ASIC2: variants seen among roughly 807,000 people sequenced by gnomAD.
ASIC2 encodes the protein acid-sensing ion channel 2.
ASIC2 carries 25 observed loss-of-function variants against 57.3 expected under a neutral mutation model. That is an observed-to-expected ratio of 0.44 (90% CI 0.32 to 0.61). The LOEUF (loss-of-function observed/expected upper bound fraction) is 0.61, where lower values mean the gene tolerates loss of function less well. Among genes scored for constraint, ASIC2 ranks in the 20% least tolerant of loss-of-function variants. The probability of loss-of-function intolerance (pLI) is 0.06; values close to 1 mark genes in which losing one functional copy is unlikely to be tolerated. For synonymous variants in ASIC2, 319 were observed against 307.5 expected, an observed-to-expected ratio of 1.04 and a Z score of -0.39; for missense variants, 641 against 738.1, an observed-to-expected ratio of 0.87 and a Z score of 1.52.
intron 1 of ASIC2, among the ~76,000 whole-genome samples, chr17:33,784,092 G>T (rs1482226628): frequency 2.6e-5 from 4 of 152,142 alleles, no homozygotes; most frequent in Non-Finnish European, 5.9e-5. Context: ...GTGAGGTTGG[G>T]GGGTCATTGA....
intron 1 of ASIC2, among the ~76,000 whole-genome samples, chr17:33,585,831 C>T (rs150584139): frequency 0.01 from 1,528 of 152,214 alleles, 26 homozygotes; most frequent in African/African-American, 0.035. Context: ...TAATTTATAT[C>T]TTTTACTTTA....
At chr17:33,610,914 C>T (rs1373469561) in intron 1 of ASIC2, among the ~76,000 whole-genome samples, 6 of 151,986 alleles carry the variant, frequency 3.9e-5, no homozygotes, top group Non-Finnish European at 8.8e-5. Context: ...AACAAAGAAA[C>T]AGAACAAAAA....
intron 1 of ASIC2, among the ~76,000 whole-genome samples, chr17:33,436,351 A>T (rs575304627): frequency 6.6e-6 from 1 of 152,370 alleles, no homozygotes; most frequent in Admixed American, 6.5e-5. Context: ...ATGTGGCCAG[A>T]GGTCACAAGA....
intron 1 of ASIC2, among the ~76,000 whole-genome samples, chr17:33,188,341 C>G (rs754368816): frequency 1.3e-5 from 2 of 151,826 alleles, no homozygotes; most frequent in Non-Finnish European, 2.9e-5. Context: ...TATAAAAAGA[C>G]CTAATAGTCA....
intron 1 of ASIC2, among the ~76,000 whole-genome samples, chr17:34,009,984 A>T (rs1906656437): frequency 6.6e-6 from 1 of 152,228 alleles, no homozygotes; most frequent in South Asian, 2.1e-4. Flanking sequence ...TGACAAAATG[A>T]GACATCCAGG....
chr17:33,249,945 C>A (rs547067220), intron 1 of ASIC2, among the ~76,000 whole-genome samples: 2 of 152,074 alleles, frequency 1.3e-5, no homozygotes, highest in Non-Finnish European at 2.9e-5. Flanking sequence ...GTGAGTGGGG[C>A]CAATCCCAAA....
chr17:33,370,928 T>C (rs1047259804), intron 1 of ASIC2, among the ~76,000 whole-genome samples: 1 of 152,054 alleles, frequency 6.6e-6, no homozygotes, highest in Non-Finnish European at 1.5e-5. Flanking sequence ...GAAAATAAAG[T>C]GGTGAAAGAA....
At chr17:33,997,564 TGA>T (rs1567782388) in intron 1 of ASIC2, among the ~76,000 whole-genome samples, 2 of 152,140 alleles carry the variant, frequency 1.3e-5, no homozygotes, top group Non-Finnish European at 2.9e-5. Flanking sequence ...CCTAATTTGT[TGA>T]GAGTTTTTAT....
chr17:33,307,266 T>C (rs1906217555), intron 1 of ASIC2, among the ~76,000 whole-genome samples: 1 of 133,402 alleles, frequency 7.5e-6, no homozygotes, highest in African/African-American at 2.8e-5. Context: ...CTTCTCTTCC[T>C]CCTCCTCTTC....
intron 1 of ASIC2, among the ~76,000 whole-genome samples, chr17:33,190,398 T>A (rs1356354835): frequency 6.6e-6 from 1 of 152,178 alleles, no homozygotes; most frequent in Non-Finnish European, 1.5e-5. Context: ...AGATCACATA[T>A]GTAAATACAG....
chr17:33,619,958 A>G (rs1165538891), intron 1 of ASIC2, among the ~76,000 whole-genome samples: 4 of 152,208 alleles, frequency 2.6e-5, no homozygotes, highest in African/African-American at 9.6e-5. Context: ...GCATTTGGAA[A>G]AATGGATGTT....
chr17:33,256,065 C>T (rs1400279582), intron 1 of ASIC2, among the ~76,000 whole-genome samples: 5 of 152,064 alleles, frequency 3.3e-5, no homozygotes, highest in African/African-American at 1.2e-4. Flanking sequence ...GACTAATTAC[C>T]ATGGATTTGA....
intron 3 of ASIC2, among the ~76,000 whole-genome samples, chr17:33,038,763 G>T (rs1243668843): frequency 1.3e-5 from 2 of 151,986 alleles, no homozygotes; most frequent in Non-Finnish European, 2.9e-5. Flanking sequence ...GCTGATGTTT[G>T]CCCTTAACCT....
chr17:34,110,164 T>G (rs1414662438), intron 1 of ASIC2, among the ~76,000 whole-genome samples: 1 of 152,130 alleles, frequency 6.6e-6, no homozygotes, highest in Non-Finnish European at 1.5e-5. Context: ...AGAACAACCT[T>G]AAGGAGATGC....
intron 1 of ASIC2, among the ~76,000 whole-genome samples, chr17:33,179,156 C>T (rs1282513455): frequency 6.6e-6 from 1 of 152,126 alleles, no homozygotes; most frequent in Non-Finnish European, 1.5e-5. Context: ...TCTTTAGGCT[C>T]AAACACTATG....
At chr17:33,713,626 G>A (rs1345754026) in intron 1 of ASIC2, among the ~76,000 whole-genome samples, 2 of 152,218 alleles carry the variant, frequency 1.3e-5, no homozygotes, top group Non-Finnish European at 2.9e-5. Flanking sequence ...GATTACATCT[G>A]CAGACCCCAT....
At chr17:33,233,331 T>C (rs1908175937) in intron 1 of ASIC2, among the ~76,000 whole-genome samples, 1 of 151,966 alleles carries the variant, frequency 6.6e-6, no homozygotes, top group Non-Finnish European at 1.5e-5. Flanking sequence ...TGCCTGGCTG[T>C]GCGACAGTGC....
chr17:33,663,884 C>A (rs144957639), intron 1 of ASIC2, among the ~76,000 whole-genome samples: 1 of 152,290 alleles, frequency 6.6e-6, no homozygotes, highest in Non-Finnish European at 1.5e-5. Flanking sequence ...GTGCTCAGGG[C>A]AGCCCTCCTC....
Position 33,562,033 on chromosome 17 carries a change from C to T in ASIC2, c.556-449966G>A, listed in dbSNP as rs573640734. Reference sequence around the variant, plus strand: ...TTATCTCAGGATAGCTGTTCCAATCCGGAGTGATGAAAGGATTTCTTGCAG... The same window carrying T: ...TTATCTCAGGATAGCTGTTCCAATCTGGAGTGATGAAAGGATTTCTTGCAG... On this transcript the variant is annotated intron_variant, in intron 1 of 9. Transcript: ENST00000359872. Among the ~76,000 whole-genome samples the T allele has an allele frequency of 3.9e-5, 6 of 152,250 alleles. No individual in the cohort carries two copies. The South Asian group carries it at 1.2e-3, about 32-fold the overall frequency.
Sources: gnomAD v4.1 joint callset for allele counts (sites outside exome capture counted in the v4.1 genomes callset) on GRCh38, gnomAD v4.1.1 for gene constraint, MANE v1.5 for transcripts, NCBI Gene and HGNC (gene_info 2026-07-23, HGNC 2026-07-21) for gene names.